Variants in DGKG observed in about 807,000 individuals in gnomAD.
The protein encoded by DGKG is diacylglycerol kinase gamma.
A neutral mutation model predicts 105.3 loss-of-function variants in DGKG; 78 were observed. The ratio of observed to expected loss-of-function variants is 0.74; its 90% confidence interval spans 0.62 to 0.89. DGKG has a LOEUF of 0.89. DGKG is among the 40% of genes least tolerant of loss of function. The probability of loss-of-function intolerance (pLI) is 0.00; values close to 1 mark genes in which losing one functional copy is unlikely to be tolerated. For missense variants in DGKG, 958 were observed against 1,020.1 expected (o/e 0.94, Z 0.83); for synonymous variants, 346 against 367.1 (o/e 0.94, Z 0.66).
At chr3:186,255,773 T>C (rs1401966777) in intron 17 of DGKG, among the ~76,000 whole-genome samples, 2 of 152,124 alleles carry the variant, frequency 1.3e-5, no homozygotes, top group South Asian at 2.1e-4. Flanking sequence ...GAAAGATCGC[T>C]ATGGGTGTAG....
chr3:186,293,884 G>A (rs1387296571), intron 5 of DGKG, among the ~76,000 whole-genome samples: 1 of 152,094 alleles, frequency 6.6e-6, no homozygotes, highest in Non-Finnish European at 1.5e-5. Flanking sequence ...TGGTGAACAG[G>A]GACATCTAAT....
At chr3:186,208,814 G>A (rs1718876159) in intron 21 of DGKG, among the ~76,000 whole-genome samples, 1 of 152,176 alleles carries the variant, frequency 6.6e-6, no homozygotes, top group Admixed American at 6.5e-5. Flanking sequence ...AGTGCCTCCT[G>A]CTGAAGACTT....
Position 186,288,734 on chromosome 3 carries a change from C to T in DGKG, c.520G>A (p.Gly174Arg). ...VVCYLSLLET[G>R]RPQDKLEFMF... ...CACTCCAGCTTATCCTGAGGCCTCC[C>T]CGTCTCCAGCAGGGACAGGTAGCAC... is the stretch of plus-strand genomic sequence containing the variant. Residue 174 changes from glycine (G) to arginine (R), a missense_variant, in exon 6 of 25, where the codon GGG (glycine) becomes AGG (arginine). Gly to Arg is a moderately radical substitution (Grantham distance 125, BLOSUM62 -2). This residue lies in a region of DGKG where 643 missense variants were observed against 619.5 expected (regional missense o/e 1.04). Transcript: ENST00000265022. 1 of 1,614,208 alleles carries T rather than the reference C, an allele frequency of 6.2e-7. No homozygotes were observed. Among genetic ancestry groups the T allele is most frequent in the South Asian group, 1.1e-5 (1 of 91,078 alleles).
At chr3:186,301,240 A>G (rs1324542301) in intron 3 of DGKG, among the ~76,000 whole-genome samples, 5 of 152,108 alleles carry the variant, frequency 3.3e-5, no homozygotes, top group East Asian at 3.8e-4. Flanking sequence ...CCTTAACCCC[A>G]TGTCCATCTG....
intron 20 of DGKG, among the ~76,000 whole-genome samples, chr3:186,242,259 C>T (rs1348060022): frequency 6.6e-6 from 1 of 152,218 alleles, no homozygotes; most frequent in Non-Finnish European, 1.5e-5. Context: ...CCCTTCATAC[C>T]CACCTCCTGC....
intron 22 of DGKG, among the ~76,000 whole-genome samples, chr3:186,185,559 G>A (rs1717585583): frequency 6.6e-6 from 1 of 152,162 alleles, no homozygotes. Flanking sequence ...GGGGAGCAGG[G>A]AGGGTGGTGG....
chr3:186,281,082 A>C, intron 7 of DGKG: 1 of 203,364 alleles, frequency 4.9e-6, no homozygotes, highest in Non-Finnish European at 1.0e-5. Flanking sequence ...TAGCTTCCAC[A>C]AATACTTACA....
At chr3:186,298,431 A>AAG (rs1723705206) in intron 3 of DGKG, among the ~76,000 whole-genome samples, 1 of 152,184 alleles carries the variant, frequency 6.6e-6, no homozygotes, top group Non-Finnish European at 1.5e-5. Flanking sequence ...GGATGGGTGT[A>AAG]AGAGAGAGAA....
chr3:186,222,308 C>A (rs550256542), intron 20 of DGKG, among the ~76,000 whole-genome samples: 28 of 152,318 alleles, frequency 1.8e-4, no homozygotes, highest in Admixed American at 1.4e-3. Context: ...CCCAGGCTAA[C>A]CCACAAGAGC....
At position 186,327,857 on chromosome 3, in the gene DGKG, T is replaced by A. The variant is rs1284159974; in HGVS notation, c.-248-7150A>T. ...GAATTAAATAGGACTCTGACACTTA[T>A]CTCCTTAAAATCCTTCAGAAGCCTC... On this transcript the variant is annotated intron_variant, in intron 1 of 24. Transcript: ENST00000265022. Among the ~76,000 whole-genome samples the A allele has an allele frequency of 2.6e-5, 4 of 152,192 alleles. No individual in the cohort carries two copies. In the East Asian group the frequency reaches 7.7e-4, roughly 29 times the overall value.
intron 10 of DGKG, among the ~76,000 whole-genome samples, chr3:186,273,367 CTTTTTTT>C (rs375667915): frequency 1.2e-5 from 1 of 85,598 alleles, no homozygotes; most frequent in Non-Finnish European, 2.3e-5. Flanking sequence ...TGTTGTACCC[CTTTTTTT>C]TTTTTTTTTT....
At chr3:186,347,501 G>A (rs964817933) in intron 1 of DGKG, among the ~76,000 whole-genome samples, 2 of 149,918 alleles carry the variant, frequency 1.3e-5, no homozygotes, top group African/African-American at 4.9e-5. Flanking sequence ...CACTTAATGT[G>A]GTATGTTTGA....
At chr3:186,213,855 G>A (rs889057363) in intron 20 of DGKG, among the ~76,000 whole-genome samples, 7 of 152,202 alleles carry the variant, frequency 4.6e-5, no homozygotes, top group Admixed American at 3.3e-4. Context: ...AGTTAAACCT[G>A]AAGGAGAGAA....
At chr3:186,290,165 C>A (rs1263066893) in intron 5 of DGKG, among the ~76,000 whole-genome samples, 1 of 152,188 alleles carries the variant, frequency 6.6e-6, no homozygotes, top group Admixed American at 6.5e-5. Flanking sequence ...TTCTACTGGA[C>A]AAGGCCCTTA....
chr3:186,338,594 G>A (rs1560162562), intron 1 of DGKG, among the ~76,000 whole-genome samples: 2 of 152,190 alleles, frequency 1.3e-5, no homozygotes, highest in Non-Finnish European at 2.9e-5. Context: ...TGTAATCATG[G>A]TTACTTCCAA....
At chr3:186,254,358 G>A (rs1350606949) in intron 17 of DGKG, among the ~76,000 whole-genome samples, 1 of 152,114 alleles carries the variant, frequency 6.6e-6, no homozygotes, top group East Asian at 1.9e-4. Context: ...GGACTGAGAT[G>A]GCCACTGGAA....
intron 21 of DGKG, among the ~76,000 whole-genome samples, chr3:186,195,161 C>T (rs1285941559): frequency 6.6e-6 from 1 of 151,842 alleles, no homozygotes; most frequent in Non-Finnish European, 1.5e-5. Flanking sequence ...TATAATAAAC[C>T]CCCGTGTACC....
intron 20 of DGKG, among the ~76,000 whole-genome samples, chr3:186,214,704 G>A (rs991091790): frequency 1.3e-5 from 2 of 152,084 alleles, no homozygotes; most frequent in Non-Finnish European, 2.9e-5. Flanking sequence ...AATATACTTC[G>A]GAGAAAGTGC....
At chr3:186,338,124 C>G (rs996586510) in intron 1 of DGKG, among the ~76,000 whole-genome samples, 1 of 142,980 alleles carries the variant, frequency 7.0e-6, no homozygotes, top group Non-Finnish European at 1.5e-5. Flanking sequence ...GAGCCAAGAA[C>G]GAGCCACTGC....
Sources: gnomAD v4.1 joint callset for allele counts (sites outside exome capture counted in the v4.1 genomes callset) on GRCh38, gnomAD v4.1.1 for gene constraint, gnomAD v4.1.1 regional missense constraint, MANE v1.5 for transcripts, NCBI Gene and HGNC (gene_info 2026-07-23, HGNC 2026-07-21) for gene names.